The following DLGAP2 variants were observed in gnomAD, a reference collection of about 807,000 sequenced individuals.
The protein encoded by DLGAP2 is disks large-associated protein 2.
DLGAP2 carries 26 observed loss-of-function variants against 100.3 expected under a neutral mutation model. That is an observed-to-expected ratio of 0.26 (90% confidence interval 0.19 to 0.36). The LOEUF is 0.36. Among genes scored for constraint, DLGAP2 ranks in the 10% least tolerant of loss-of-function variants. The pLI, the probability that DLGAP2 is intolerant of heterozygous loss-of-function variation, is 1.00. For missense variants in DLGAP2, 1,858 were observed against 1,453.2 expected, an observed-to-expected ratio of 1.28 and a Z score of -4.53; for synonymous variants, 886 against 630.1, an observed-to-expected ratio of 1.41 and a Z score of -6.08.
intron 2 of DLGAP2, among the ~76,000 whole-genome samples, chr8:1,083,882 G>C (rs1437504852): frequency 6.6e-6 from 1 of 152,138 alleles, no homozygotes; most frequent in Non-Finnish European, 1.5e-5. Context: ...TGTCTAAGTG[G>C]CTAATAAAGA....
At chr8:1,451,604 C>A (rs559065397) in intron 3 of DLGAP2, among the ~76,000 whole-genome samples, 1 of 152,120 alleles carries the variant, frequency 6.6e-6, no homozygotes, top group Non-Finnish European at 1.5e-5. Context: ...CATCACATGT[C>A]CCCTCCTGGC....
At chr8:1,201,171 G>A (rs1014695686) in intron 2 of DLGAP2, among the ~76,000 whole-genome samples, 1 of 152,216 alleles carries the variant, frequency 6.6e-6, no homozygotes, top group Non-Finnish European at 1.5e-5. Flanking sequence ...GGCTGAAGCC[G>A]CTGCGTAGGG....
intron 7 of DLGAP2, among the ~76,000 whole-genome samples, chr8:1,627,298 C>G (rs1384646278): frequency 6.6e-6 from 1 of 152,280 alleles, no homozygotes; most frequent in East Asian, 1.9e-4. Context: ...AGAGGATAGC[C>G]TGGTGTCGCT....
At chr8:976,959 ACTT>A (rs777443246) in intron 2 of DLGAP2, among the ~76,000 whole-genome samples, 1 of 152,214 alleles carries the variant, frequency 6.6e-6, no homozygotes, top group Non-Finnish European at 1.5e-5. Context: ...AAAGTTAAAA[ACTT>A]CTTTGTGAAG....
intron 1 of DLGAP2, among the ~76,000 whole-genome samples, chr8:814,122 A>T (rs10106122): frequency 0.24 from 35,942 of 152,170 alleles, 4,527 homozygotes; most frequent in Middle Eastern, 0.34. Flanking sequence ...TAAGAGCAGG[A>T]TGCCATAAAA....
At chr8:826,439 C>T (rs1464417145) in intron 1 of DLGAP2, among the ~76,000 whole-genome samples, 2 of 152,120 alleles carry the variant, frequency 1.3e-5, no homozygotes, top group African/African-American at 4.8e-5. Context: ...TTAATTTGCT[C>T]TTCTTTTTCA....
At chr8:1,518,590 G>C (rs117354490) in intron 4 of DLGAP2, among the ~76,000 whole-genome samples, 1 of 152,136 alleles carries the variant, frequency 6.6e-6, no homozygotes, top group Non-Finnish European at 1.5e-5. Flanking sequence ...AAATGACCAC[G>C]TGGTGATTTC....
chr8:954,645 A>C (rs964947139), intron 2 of DLGAP2, among the ~76,000 whole-genome samples: 1 of 152,216 alleles, frequency 6.6e-6, no homozygotes, highest in Non-Finnish European at 1.5e-5. Flanking sequence ...GATTTAGATA[A>C]AGTTTAAAAA....
Position 1,702,044 on chromosome 8 carries a change from T to G in DLGAP2, c.*638T>G, listed in dbSNP as rs936620535. The G allele has an allele frequency of 2.6e-5, 4 of 152,144 alleles. No individual in the cohort carries two copies. Among genetic ancestry groups the G allele is most frequent in the Non-Finnish European group, 5.9e-5 (4 of 68,068 alleles). 9.4% of individuals were successfully genotyped at this position (152,144 alleles called of 1,614,324 possible). On this transcript the variant is annotated 3_prime_UTR_variant, in exon 15 of 15. Coordinates refer to ENST00000637795, the MANE Select transcript of DLGAP2 (RefSeq NM_001346810.2). ...CACCACACTCCCCGCCGTACAGTTC[T>G]CCAGAATCCCAGGCGATGACAAGTC...
intron 3 of DLGAP2, among the ~76,000 whole-genome samples, chr8:1,366,297 G>A (rs1381561010): frequency 6.6e-6 from 1 of 152,242 alleles, no homozygotes; most frequent in Non-Finnish European, 1.5e-5. Context: ...GCTAAGGACT[G>A]GAGATACAGG....
intron 3 of DLGAP2, among the ~76,000 whole-genome samples, chr8:1,373,271 C>G (rs758919415): frequency 1.3e-5 from 2 of 151,848 alleles, no homozygotes; most frequent in Non-Finnish European, 1.5e-5. Context: ...CCGCCACGCG[C>G]GTGCGGCCCG....
rs149458036 is a variant in DLGAP2 at position 871,298 on chromosome 8, C to G, written c.19-36614C>G. 3.8e-3 allele frequency among the ~76,000 whole-genome samples: 577 copies of G among 152,320 alleles called. 3 individuals are homozygous for G. The highest frequency in any genetic ancestry group is 0.013 in the African/African-American group (531 of 41,554). The stretch of plus-strand genomic sequence containing the variant: ...TTGGCTGCACTATCTTCTGTCCAAA[C>G]TGTTAGTTGAGTTTTGGATGGAACC... On this transcript the variant is annotated intron_variant, in intron 1 of 14. Coordinates refer to ENST00000637795, the MANE Select transcript of DLGAP2 (RefSeq NM_001346810.2).
At chr8:1,087,259 A>T (rs1364038508) in intron 2 of DLGAP2, among the ~76,000 whole-genome samples, 1 of 152,226 alleles carries the variant, frequency 6.6e-6, no homozygotes. Flanking sequence ...CAATATCATA[A>T]CATTCTGAAG....
chr8:850,534 T>G (rs6988970), intron 1 of DLGAP2, among the ~76,000 whole-genome samples: 113,500 of 152,042 alleles, frequency 0.75, 42,771 homozygotes, highest in East Asian at 0.99. Flanking sequence ...TCACAATTTG[T>G]CAGAGTATGT....
chr8:1,203,801 T>C (rs901267769), intron 2 of DLGAP2, among the ~76,000 whole-genome samples: 27 of 152,172 alleles, frequency 1.8e-4, no homozygotes, highest in East Asian at 9.6e-4. Context: ...CTAAAGGTTG[T>C]CCTCTGTGTT....
At chr8:1,316,644 C>G (rs1563078752) in intron 3 of DLGAP2, among the ~76,000 whole-genome samples, 1 of 142,704 alleles carries the variant, frequency 7.0e-6, no homozygotes, top group Non-Finnish European at 1.5e-5. Context: ...GTCTCTCCAA[C>G]AGTGGTCTAC....
chr8:1,632,458 T>A (rs532312932), intron 7 of DLGAP2, among the ~76,000 whole-genome samples: 1 of 152,194 alleles, frequency 6.6e-6, no homozygotes, highest in African/African-American at 2.4e-5. Context: ...GGGGCCGTCA[T>A]GTGGGAAAGG....
chr8:1,426,741 G>A (rs137875798), intron 3 of DLGAP2, among the ~76,000 whole-genome samples: 402 of 152,072 alleles, frequency 2.6e-3, no homozygotes, highest in African/African-American at 8.7e-3. Flanking sequence ...GCAAGAAGAT[G>A]GTCAAATTAT....
chr8:1,561,307 A>G (rs1802150838), intron 5 of DLGAP2, among the ~76,000 whole-genome samples: 1 of 152,034 alleles, frequency 6.6e-6, no homozygotes, highest in Non-Finnish European at 1.5e-5. Flanking sequence ...GATGCATACA[A>G]TACCTCCAAT....
Sources: gnomAD v4.1 joint callset for allele counts (sites outside exome capture counted in the v4.1 genomes callset) on GRCh38, gnomAD v4.1.1 for gene constraint, MANE v1.5 for transcripts, NCBI Gene and HGNC (gene_info 2026-07-23, HGNC 2026-07-21) for gene names.